Variants in RFC1 observed in about 807,000 individuals in gnomAD.
RFC1 encodes the protein A1 140 kDa subunit.
RFC1 carries 37 observed loss-of-function variants against 137.4 expected under a neutral mutation model. That is an observed-to-expected ratio of 0.27 (90% CI 0.21 to 0.35). RFC1 has a LOEUF of 0.35. Ranked by LOEUF, RFC1 falls within the 10% of genes least tolerant of loss-of-function variation. The pLI is 1.00. For missense variants in RFC1, 1,205 were observed against 1,358.5 expected (o/e 0.89, Z 1.78); for synonymous variants, 429 against 455.7 (o/e 0.94, Z 0.75).
At chr4:39,292,101 C>T (rs997782398) in intron 22 of RFC1, 13 of 456,918 alleles carry the variant, frequency 2.8e-5, no homozygotes, top group African/African-American at 7.8e-5. Context: ...GAAAAACATA[C>T]GTGGATTCTA....
At position 39,312,776 on chromosome 4, in the gene RFC1, A is replaced by T. The variant is rs1297682689; in HGVS notation, c.1359T>A (p.Asp453Glu). Residue 453 changes from aspartate to glutamate, a missense_variant, in exon 11 of 25, where the codon GAT becomes GAA. By Grantham distance (45) the Asp-to-Glu change is conservative (BLOSUM62 2). This residue lies in a region of RFC1 where 962 missense variants were observed against 1,035.3 expected (regional missense o/e 0.93). Coordinates refer to ENST00000349703, the MANE Select transcript of RFC1 (RefSeq NM_002913.5). ...CCTTATCACTCTTGGACTGTCCACT[A>T]TCACGACCCATGACAAGATAATTTG... Reference protein sequence around the residue: ...KKTNYLVMGRDSGQSKSDKAA... With the variant: ...KKTNYLVMGRESGQSKSDKAA... 1.9e-6 allele frequency: 3 copies of T among 1,614,038 alleles called. No homozygotes were observed. The African/African-American group carries it at 4.0e-5, about 22-fold the overall frequency.
intron 24 of RFC1, among the ~76,000 whole-genome samples, chr4:39,289,297 G>C (rs948356224): frequency 6.6e-6 from 1 of 152,180 alleles, no homozygotes; most frequent in Non-Finnish European, 1.5e-5. Flanking sequence ...GAGCCACAGT[G>C]AAGAAGGCCA....
intron 1 of RFC1, among the ~76,000 whole-genome samples, chr4:39,359,933 A>T (rs1344559629): frequency 6.6e-6 from 1 of 152,080 alleles, no homozygotes; most frequent in Non-Finnish European, 1.5e-5. Context: ...TACTTGGGTG[A>T]TGGGTGCACC....
chr4:39,306,190 C>G (rs17288475), intron 14 of RFC1, among the ~76,000 whole-genome samples: 6 of 152,198 alleles, frequency 3.9e-5, no homozygotes, highest in Non-Finnish European at 8.8e-5. Context: ...GGCCTCCACC[C>G]TCCTCCCTAA....
intron 24 of RFC1, 156 bp downstream of exon 24, chr4:39,289,692 A>G: frequency 1.7e-6 from 1 of 581,618 alleles, no homozygotes; most frequent in Non-Finnish European, 3.0e-6. Flanking sequence ...TATAAAAATG[A>G]AATCTCTACC....
intron 1 of RFC1, chr4:39,365,551 GT>G: frequency 1.1e-6 from 1 of 929,812 alleles, no homozygotes; most frequent in Non-Finnish European, 1.3e-6. Flanking sequence ...TGAGGCTTGG[GT>G]TTTTTTCAGA....
intron 1 of RFC1, among the ~76,000 whole-genome samples, chr4:39,363,900 AAAG>A (rs71192850): frequency 0.91 from 108,151 of 119,064 alleles, 49,304 homozygotes; most frequent in East Asian, 0.98. Context: ...AAAAAAAAAA[AAAG>A]AAGAAGAAGA....
At chr4:39,307,092 T>C (rs1253698828) in intron 13 of RFC1, among the ~76,000 whole-genome samples, 1 of 152,168 alleles carries the variant, frequency 6.6e-6, no homozygotes, top group Admixed American at 6.5e-5. Flanking sequence ...TGTGCCTGCC[T>C]CCTCCTTTGT....
chr4:39,317,056 C>A lies in RFC1; in HGVS notation c.1096-34G>T, dbSNP rs1243630537. ...ACAGGGAAAGGAAAATGAACAAAGT[C>A]ATACAGAATTCATGCAAAATTTAAA... On this transcript the variant is annotated intron_variant, in intron 9 of 24. Coordinates refer to ENST00000349703, the MANE Select transcript of RFC1 (RefSeq NM_002913.5). 2.9e-6 allele frequency: 4 copies of A among 1,377,332 alleles called. No individual in the cohort carries two copies. In the East Asian group the frequency reaches 6.9e-5, roughly 24 times the overall value. The allele number at this position is 1,377,332 out of a possible 1,614,324, so 85.3% of individuals were successfully genotyped here.
intron 4 of RFC1, among the ~76,000 whole-genome samples, chr4:39,337,212 T>C (rs773539802): frequency 4.1e-4 from 62 of 152,232 alleles, no homozygotes; most frequent in Non-Finnish European, 7.6e-4. Context: ...CTGTCTCTAC[T>C]AAAAATACAA....
chr4:39,348,689 C>CT (rs1336799231), intron 2 of RFC1, among the ~76,000 whole-genome samples: 65 of 152,074 alleles, frequency 4.3e-4, no homozygotes, highest in Non-Finnish European at 4.1e-4. Flanking sequence ...GCCCCAAAAG[C>CT]AATTCAGAGA....
At chr4:39,297,104 G>GT (rs1215927656) in intron 21 of RFC1, among the ~76,000 whole-genome samples, 22 of 137,422 alleles carry the variant, frequency 1.6e-4, no homozygotes, top group African/African-American at 5.6e-4. Flanking sequence ...GGGGTTGTTT[G>GT]TTTTTTTCTT....
chr4:39,354,609 T>G (rs1377022346), intron 1 of RFC1, among the ~76,000 whole-genome samples: 1 of 152,016 alleles, frequency 6.6e-6, no homozygotes, highest in African/African-American at 2.4e-5. Flanking sequence ...AAAAGTGCCA[T>G]AAACAAAGTT....
intron 23 of RFC1, 26 bp from the exon 24 acceptor site, chr4:39,290,065 T>C (rs1737584834): frequency 6.5e-7 from 1 of 1,536,442 alleles, no homozygotes; most frequent in African/African-American, 1.4e-5. Flanking sequence ...AGATGGAGTT[T>C]TTAAAAATCT....
In RFC1 at chr4:39,344,577, C is replaced by T. The variant is rs187059983; in HGVS notation, c.208+824G>A. ...AGGAGTTTGAGACCAGCCTTGTCTA[C>T]GTGGTGAAACCCCATCTCTACTAAA... is the stretch of plus-strand genomic sequence containing the variant. On this transcript the variant is annotated intron_variant, in intron 3 of 24. Transcript: ENST00000349703. Among the ~76,000 whole-genome samples, 12 of 152,270 alleles carry T rather than the reference C, an allele frequency of 7.9e-5. No homozygotes were observed. The East Asian group carries it at 1.7e-3, about 22-fold the overall frequency.
At chr4:39,327,167 T>TA (rs1739814838) in intron 5 of RFC1, among the ~76,000 whole-genome samples, 2 of 152,230 alleles carry the variant, frequency 1.3e-5, no homozygotes, top group Admixed American at 1.3e-4. Context: ...ATGCTCTATT[T>TA]ATAAGGAATC....
chr4:39,353,600 C>T (rs1404330018), intron 1 of RFC1, among the ~76,000 whole-genome samples: 2 of 151,848 alleles, frequency 1.3e-5, no homozygotes, highest in Non-Finnish European at 2.9e-5. Flanking sequence ...TAAAGAAAAC[C>T]ACAGTCTTTC....
chr4:39,312,726 G>A, intron 11 of RFC1, 26 bp downstream of exon 11: 5 of 1,594,182 alleles, frequency 3.1e-6, no homozygotes, highest in Non-Finnish European at 4.3e-6. Context: ...GAGGTGTCAT[G>A]GTGTTGAGAA....
intron 1 of RFC1, among the ~76,000 whole-genome samples, chr4:39,364,559 T>C (rs753471413): frequency 4.6e-4 from 70 of 152,234 alleles, no homozygotes; most frequent in Non-Finnish European, 8.2e-4. Flanking sequence ...ACCTGAATGA[T>C]CAAAAGTTGA....
Sources: gnomAD v4.1 joint callset for allele counts (sites outside exome capture counted in the v4.1 genomes callset) on GRCh38, gnomAD v4.1.1 for gene constraint, gnomAD v4.1.1 regional missense constraint, MANE v1.5 for transcripts, NCBI Gene and HGNC (gene_info 2026-07-23, HGNC 2026-07-21) for gene names.